FAM174A: variants seen among roughly 807,000 people sequenced by gnomAD.
The protein encoded by FAM174A is membrane protein FAM174A.
FAM174A carries 14 observed loss-of-function variants against 14.3 expected under a neutral mutation model. The ratio of observed to expected loss-of-function variants is 0.98; its 90% confidence interval spans 0.65 to 1.53. The LOEUF is 1.53. Ranked by LOEUF, FAM174A falls within the 40% of genes most tolerant of loss-of-function variation. FAM174A has a pLI of 0.00. For synonymous variants in FAM174A, 108 were observed against 111.4 expected (o/e 0.97, Z 0.19); for missense variants, 241 against 249.6 (o/e 0.97, Z 0.23).
At chr5:100,555,395 G>T (rs1233382403) in intron 1 of FAM174A, among the ~76,000 whole-genome samples, 5 of 152,184 alleles carry the variant, frequency 3.3e-5, no homozygotes, top group Non-Finnish European at 7.3e-5. Flanking sequence ...ACATACGTGT[G>T]TGTGTGTCTT....
At chr5:100,566,180 A>ATATATATGTACAT (rs371669507) in intron 2 of FAM174A, among the ~76,000 whole-genome samples, 10 of 113,398 alleles carry the variant, frequency 8.8e-5, no homozygotes, top group Non-Finnish European at 1.8e-4. Context: ...ATGTACATAT[A>ATATATATGTACAT]ATATATATAA....
intron 2 of FAM174A, among the ~76,000 whole-genome samples, chr5:100,585,580 ATTTT>A (rs1747112303): frequency 6.6e-6 from 1 of 151,896 alleles, no homozygotes; most frequent in Non-Finnish European, 1.5e-5. Context: ...CACCTGGCTA[ATTTT>A]TGTATTTTTA....
chr5:100,538,168 C>T (rs1436112739), intron 1 of FAM174A, among the ~76,000 whole-genome samples: 2 of 152,046 alleles, frequency 1.3e-5, no homozygotes, highest in Non-Finnish European at 2.9e-5. Flanking sequence ...GGCAGTGTTC[C>T]GAACTCATAC....
chr5:100,539,525 G>C (rs942954828), intron 1 of FAM174A, among the ~76,000 whole-genome samples: 8 of 152,124 alleles, frequency 5.3e-5, no homozygotes, highest in African/African-American at 1.4e-4. Flanking sequence ...CATCCTAATA[G>C]CTGATAGTTA....
chr5:100,539,628 A>G (rs1746011615), intron 1 of FAM174A, among the ~76,000 whole-genome samples: 2 of 152,162 alleles, frequency 1.3e-5, no homozygotes, highest in Admixed American at 1.3e-4. Context: ...TATCATTCTT[A>G]CTGAGGAAAT....
intron 1 of FAM174A, among the ~76,000 whole-genome samples, chr5:100,541,107 A>C (rs1746041495): frequency 6.6e-6 from 1 of 152,214 alleles, no homozygotes; most frequent in African/African-American, 2.4e-5. Flanking sequence ...TTAAGCCCAC[A>C]CAAATCTGTT....
chr5:100,563,684 A>G (rs1746579835), intron 2 of FAM174A, among the ~76,000 whole-genome samples: 1 of 151,936 alleles, frequency 6.6e-6, no homozygotes, highest in South Asian at 2.1e-4. Flanking sequence ...CAGCAGAAGA[A>G]TTCACATTCT....
chr5:100,554,310 C>CTTTTTTTTTTTT (rs34241194), intron 1 of FAM174A, among the ~76,000 whole-genome samples: 19 of 93,938 alleles, frequency 2.0e-4, no homozygotes, highest in East Asian at 3.1e-4. Context: ...ATTTTTCTAT[C>CTTTTTTTTTTTT]TTTTTTTTTT....
chr5:100,545,173 A>T (rs932525728), intron 1 of FAM174A, among the ~76,000 whole-genome samples: 3 of 152,350 alleles, frequency 2.0e-5, no homozygotes, highest in South Asian at 4.1e-4. Flanking sequence ...TGAAGACTAC[A>T]TTTAAAAAAT....
At chr5:100,575,248 A>T (rs1746876989) in intron 2 of FAM174A, among the ~76,000 whole-genome samples, 1 of 151,382 alleles carries the variant, frequency 6.6e-6, no homozygotes, top group Non-Finnish European at 1.5e-5. Flanking sequence ...TATAACTTTT[A>T]TATATATATA....
intron 2 of FAM174A, among the ~76,000 whole-genome samples, chr5:100,563,064 A>G (rs1291400730): frequency 6.6e-6 from 1 of 151,876 alleles, no homozygotes; most frequent in Non-Finnish European, 1.5e-5. Context: ...GTATATCTAT[A>G]TTTATATCTA....
Position 100,574,748 on chromosome 5 carries a change from A to C in FAM174A, c.570-11433A>C, listed in dbSNP as rs574771808. On this transcript the variant is annotated intron_variant, in intron 2 of 2. Transcript: ENST00000312637. ...GGCGGGGATAATATTCAAATAACTA[A>C]AAGCCAGAGCAGAAAAGAATATCTA... 5.3e-5 allele frequency among the ~76,000 whole-genome samples: 8 copies of C among 152,298 alleles called. No individual in the cohort carries two copies. The South Asian group carries it at 1.7e-3, about 32-fold the overall frequency.
At chr5:100,543,383 G>A (rs1394482607) in intron 1 of FAM174A, among the ~76,000 whole-genome samples, 3 of 152,172 alleles carry the variant, frequency 2.0e-5, no homozygotes, top group African/African-American at 7.2e-5. Flanking sequence ...CTCCTAAAGT[G>A]CTGGGATTAC....
intron 2 of FAM174A, among the ~76,000 whole-genome samples, chr5:100,582,516 G>GA: frequency 6.6e-6 from 1 of 151,016 alleles, no homozygotes; most frequent in East Asian, 1.9e-4. Context: ...TTTTCATTAC[G>GA]ATGGCTCTTA....
Position 100,535,874 on chromosome 5 carries a change from C to G in FAM174A, c.344C>G (p.Pro115Arg), listed in dbSNP as rs770904098. Residue 115 changes from proline to arginine, a missense_variant, in exon 1 of 3, where the codon CCT (proline) becomes CGT (arginine). Physicochemically the swap from Pro to Arg is moderately radical, Grantham distance 103. Transcript: ENST00000312637. ...GGCGGCCTTGCTGTGAGCCCCAACC[C>G]TGGCGACAAGCCCATGACCCAGCGG... ...VGGGLAVSPN[P>R]GDKPMTQRAL... 3 of 1,613,164 alleles carry G rather than the reference C, an allele frequency of 1.9e-6. No homozygotes were observed. Among genetic ancestry groups the G allele is most frequent in the Non-Finnish European group, 1.7e-6 (2 of 1,179,948 alleles).
intron 1 of FAM174A, among the ~76,000 whole-genome samples, chr5:100,556,146 C>T (rs1327344130): frequency 2.0e-5 from 3 of 152,208 alleles, no homozygotes; most frequent in Non-Finnish European, 4.4e-5. Flanking sequence ...GATCCAGTTT[C>T]AGCTCTCTAC....
chr5:100,572,969 T>C (rs1427022053), intron 2 of FAM174A, among the ~76,000 whole-genome samples: 5 of 152,224 alleles, frequency 3.3e-5, no homozygotes, highest in Admixed American at 6.5e-5. Context: ...TGGTATCTCA[T>C]TGTGGTTTTG....
chr5:100,582,379 C>A (rs141891690), intron 2 of FAM174A, among the ~76,000 whole-genome samples: 8 of 151,904 alleles, frequency 5.3e-5, no homozygotes, highest in Non-Finnish European at 7.4e-5. Context: ...TGAAAAAGAG[C>A]ATTATTCATT....
chr5:100,555,956 A>G (rs1370036687), intron 1 of FAM174A, among the ~76,000 whole-genome samples: 2 of 151,974 alleles, frequency 1.3e-5, no homozygotes, highest in Non-Finnish European at 2.9e-5. Context: ...ATTGGATCCC[A>G]TTTGTCAATT....
Sources: gnomAD v4.1 joint callset for allele counts (sites outside exome capture counted in the v4.1 genomes callset) on GRCh38, gnomAD v4.1.1 for gene constraint, MANE v1.5 for transcripts, NCBI Gene and HGNC (gene_info 2026-07-23, HGNC 2026-07-21) for gene names.